DGUOK: variants seen among roughly 807,000 people sequenced by gnomAD.
DGUOK encodes deoxyguanosine kinase, mitochondrial.
DGUOK carries 30 observed loss-of-function variants against 36.6 expected under a neutral mutation model. The observed-to-expected ratio is 0.82, with a 90% CI of 0.61 to 1.11. The LOEUF (loss-of-function observed/expected upper bound fraction) is 1.11. Among genes scored for constraint, DGUOK ranks in the 50% most tolerant of loss-of-function variants. The pLI is 0.00. For synonymous variants in DGUOK, 145 were observed against 126.3 expected (o/e 1.15, Z -0.99); for missense variants, 361 against 336.4 (o/e 1.07, Z -0.57).
Position 73,958,824 on chromosome 2 carries a change from C to A in DGUOK, c.*88C>A. On this transcript the variant is annotated 3_prime_UTR_variant, in exon 7 of 7. Transcript: ENST00000264093. ...TGTGTCTCCCAACCACCTTTCCATC[C>A]CCAGCCCCTCTCATCCCTGGAGCAC... The A allele has an allele frequency of 9.0e-7, 1 of 1,109,156 alleles. No homozygotes were observed. The highest frequency in any genetic ancestry group is 1.4e-6 in the Non-Finnish European group (1 of 719,066). The allele number at this position is 1,109,156 out of a possible 1,614,324, so 68.7% of individuals were successfully genotyped here.
At position 73,932,017 on chromosome 2, in the gene DGUOK, T is replaced by C. The variant is rs147164972; in HGVS notation, c.142+4965T>C. ...GCGGTCTGGGGAGGTTAGAGTGATA[T>C]GTTTTGTATGAGGTGCCTGTGAGAC... On this transcript the variant is annotated intron_variant, in intron 1 of 6. Transcript: ENST00000264093. Among the ~76,000 whole-genome samples the C allele has an allele frequency of 9.9e-5, 15 of 152,194 alleles. No homozygotes were observed. In the East Asian group the frequency reaches 2.7e-3, roughly 27 times the overall value.
At chr2:73,958,080 T>A in intron 5 of DGUOK, 66 bp from the exon 6 acceptor site, 2 of 1,222,196 alleles carry the variant, frequency 1.6e-6, no homozygotes, top group Non-Finnish European at 2.4e-6. Context: ...ACTTGGCGAG[T>A]ATGTGAAACT....
chr2:73,927,532 A>C (rs1017599026), intron 1 of DGUOK, among the ~76,000 whole-genome samples: 1 of 152,222 alleles, frequency 6.6e-6, no homozygotes, highest in Non-Finnish European at 1.5e-5. Flanking sequence ...TTCAAATTTA[A>C]CTGTGTCCTG....
chr2:73,953,082 A>G (rs1462039970), intron 4 of DGUOK, among the ~76,000 whole-genome samples: 2 of 152,042 alleles, frequency 1.3e-5, no homozygotes, highest in East Asian at 1.9e-4. Context: ...AACTGGTCCA[A>G]TCCCACGAGA....
intron 4 of DGUOK, among the ~76,000 whole-genome samples, chr2:73,956,217 A>G (rs901268976): frequency 2.0e-4 from 30 of 152,228 alleles, no homozygotes; most frequent in Non-Finnish European, 1.6e-4. Flanking sequence ...ACACTCTGCA[A>G]AGCAGCGGGG....
At chr2:73,957,997 G>T in intron 5 of DGUOK, 149 bp from the exon 6 acceptor site, 1 of 641,780 alleles carries the variant, frequency 1.6e-6, no homozygotes, top group East Asian at 3.1e-5. Flanking sequence ...TATTGAATTT[G>T]TTTTTTTAAA....
intron 2 of DGUOK, among the ~76,000 whole-genome samples, chr2:73,941,415 T>C (rs992932677): frequency 2.6e-5 from 4 of 152,240 alleles, no homozygotes; most frequent in Non-Finnish European, 5.9e-5. Flanking sequence ...AGATAACTAA[T>C]CATCCTGTAA....
rs138172650 is a variant in DGUOK, at chr2:73,929,722, T to C, written c.142+2670T>C. On this transcript the variant is annotated intron_variant, in intron 1 of 6. Coordinates refer to ENST00000264093, the MANE Select transcript of DGUOK (RefSeq NM_080916.3). Reference sequence around the variant, plus strand: ...TGGGAGGGAATGATCAGCTGTGTTATACTGTTTAAGTAAATGAAGGTCTTT... The same window carrying C: ...TGGGAGGGAATGATCAGCTGTGTTACACTGTTTAAGTAAATGAAGGTCTTT... Among the ~76,000 whole-genome samples the C allele has an allele frequency of 1.5e-4, 23 of 152,332 alleles. 1 individual carries two copies. In the South Asian group the frequency reaches 2.1e-3, roughly 14 times the overall value.
rs7564379 is a variant in DGUOK, at chr2:73,950,953, T to C, written c.591+221T>C. Among the ~76,000 whole-genome samples the C allele has an allele frequency of 0.69, 104,981 of 152,036 alleles. 36,466 individuals carry two copies. The highest frequency in any genetic ancestry group is 0.71 in the African/African-American group (29,528 of 41,454). On this transcript the variant is annotated intron_variant, in intron 4 of 6. Transcript: ENST00000264093. Reference sequence around the variant, plus strand: ...AGCCATTGACTATGCATAAAAGGATTGCTGTTGATGTAGGAACAACAGAGC... The same window carrying C: ...AGCCATTGACTATGCATAAAAGGATCGCTGTTGATGTAGGAACAACAGAGC...
At chr2:73,937,797 G>GT (rs1447538151) in intron 1 of DGUOK, among the ~76,000 whole-genome samples, 1 of 152,148 alleles carries the variant, frequency 6.6e-6, no homozygotes, top group Non-Finnish European at 1.5e-5. Flanking sequence ...GAATGTTGTG[G>GT]TACTAGGTTG....
At chr2:73,958,687 T>A (rs1350359039) in intron 6 of DGUOK, 23 bp from the exon 7 acceptor site, 1 of 1,603,858 alleles carries the variant, frequency 6.2e-7, no homozygotes, top group Non-Finnish European at 8.5e-7. Context: ...GAAATTAAAC[T>A]TCTGATTTTC....
At chr2:73,938,790 A>C (rs983836835) in intron 1 of DGUOK, 120 bp from the exon 2 acceptor site, 15 of 759,464 alleles carry the variant, frequency 2.0e-5, no homozygotes, top group South Asian at 1.9e-4. Context: ...GCTGAGTTTG[A>C]AATTCAGAAA....
At chr2:73,952,278 G>A (rs946357228) in intron 4 of DGUOK, among the ~76,000 whole-genome samples, 3 of 152,240 alleles carry the variant, frequency 2.0e-5, no homozygotes, top group Non-Finnish European at 4.4e-5. Context: ...TTGACAAGGT[G>A]GGTCATGTTT....
intron 1 of DGUOK, among the ~76,000 whole-genome samples, chr2:73,935,817 T>C (rs904640938): frequency 6.6e-6 from 1 of 152,190 alleles, no homozygotes; most frequent in African/African-American, 2.4e-5. Context: ...ACCCTGAGTA[T>C]TAGGTGTTAT....
At chr2:73,939,092 C>G (rs1050160818) in intron 2 of DGUOK, 70 bp downstream of exon 2, 219 of 1,066,592 alleles carry the variant, frequency 2.1e-4, no homozygotes, top group Non-Finnish European at 2.4e-4. Context: ...ATTTAATTTA[C>G]TCTCAGTGAG....
chr2:73,953,284 A>G (rs1558664376), intron 4 of DGUOK, among the ~76,000 whole-genome samples: 1 of 94,400 alleles, frequency 1.1e-5, no homozygotes, highest in Non-Finnish European at 2.4e-5. Flanking sequence ...GATGATCATC[A>G]TCATCATCGT....
rs568646557 is a variant in DGUOK, at chr2:73,930,103, AT to A, written c.142+3052del. ...TTAGTCTTAGCTAGGAGCACAATTC[AT>A]CCCTAGTAACAGGCGTGATGGCAAA... On this transcript the variant is annotated intron_variant, in intron 1 of 6. Transcript: ENST00000264093. Among the ~76,000 whole-genome samples, 9 of 152,310 alleles carry A rather than the reference AT, an allele frequency of 5.9e-5. No individual in the cohort carries two copies. The South Asian group carries it at 1.7e-3, about 28-fold the overall frequency.
At chr2:73,953,707 C>T (rs1331486892) in intron 4 of DGUOK, among the ~76,000 whole-genome samples, 3 of 144,230 alleles carry the variant, frequency 2.1e-5, no homozygotes, top group African/African-American at 7.6e-5. Flanking sequence ...TCTACCTATT[C>T]TTCCCTAACT....
chr2:73,943,809 G>A (rs577050940), intron 2 of DGUOK, among the ~76,000 whole-genome samples: 6 of 151,902 alleles, frequency 3.9e-5, no homozygotes, highest in African/African-American at 9.7e-5. Flanking sequence ...CACCATGCCC[G>A]GCTAATTTTG....
Sources: gnomAD v4.1 joint callset for allele counts (sites outside exome capture counted in the v4.1 genomes callset) on GRCh38, gnomAD v4.1.1 for gene constraint, MANE v1.5 for transcripts, NCBI Gene and HGNC (gene_info 2026-07-23, HGNC 2026-07-21) for gene names.